Variants in DLGAP2 observed in about 807,000 individuals in gnomAD.
DLGAP2 encodes DLG associated protein 2.
A neutral mutation model predicts 100.3 loss-of-function variants in DLGAP2; 26 were observed. The ratio of observed to expected loss-of-function variants is 0.26; its 90% CI spans 0.19 to 0.36. The LOEUF (loss-of-function observed/expected upper bound fraction) is 0.36, where lower values mean the gene tolerates loss of function less well. Ranked by LOEUF, DLGAP2 falls within the 10% of genes least tolerant of loss-of-function variation. DLGAP2 has a pLI of 1.00. For synonymous variants in DLGAP2, 886 were observed against 630.1 expected, an observed-to-expected ratio of 1.41 and a Z score of -6.08; for missense variants, 1,858 against 1,453.2, an observed-to-expected ratio of 1.28 and a Z score of -4.53.
intron 3 of DLGAP2, among the ~76,000 whole-genome samples, chr8:1,471,606 T>G (rs1010875185): frequency 1.4e-5 from 2 of 143,456 alleles, no homozygotes; most frequent in Non-Finnish European, 3.0e-5. Context: ...TCTCACCTCC[T>G]GCCCACAGCC....
chr8:1,548,458 GAAAAAAAAAAA>G (rs773138776), intron 4 of DLGAP2, among the ~76,000 whole-genome samples, 157 bp from the exon 5 acceptor site: 2 of 41,584 alleles, frequency 4.8e-5, no homozygotes, highest in East Asian at 2.1e-3. Context: ...GACTGTCTCA[GAAAAAAAAAAA>G]AAAAAAAAAA....
intron 6 of DLGAP2, among the ~76,000 whole-genome samples, chr8:1,571,255 G>C (rs1390072610): frequency 1.4e-5 from 2 of 144,134 alleles, no homozygotes; most frequent in African/African-American, 5.3e-5. Context: ...AAGAGAGAGG[G>C]GTGAACTGGA....
intron 1 of DLGAP2, among the ~76,000 whole-genome samples, chr8:867,353 C>G (rs534363595): frequency 2.0e-5 from 3 of 152,278 alleles, no homozygotes; most frequent in Admixed American, 6.5e-5. Flanking sequence ...CAAAAATAAA[C>G]CCTTTAAGCT....
chr8:946,485 G>A (rs79631681), intron 2 of DLGAP2, among the ~76,000 whole-genome samples: 3,320 of 151,976 alleles, frequency 0.022, 40 homozygotes, highest in Middle Eastern at 0.044. Context: ...GGATGGTCTC[G>A]ATCTCCTGAC....
chr8:1,507,489 C>A (rs894829355), intron 4 of DLGAP2, among the ~76,000 whole-genome samples: 6 of 152,180 alleles, frequency 3.9e-5, no homozygotes, highest in Non-Finnish European at 7.4e-5. Context: ...CGCGCTGGCC[C>A]ATGAGCCCAC....
At chr8:1,571,706 G>A (rs1219654199) in intron 6 of DLGAP2, among the ~76,000 whole-genome samples, 2 of 131,260 alleles carry the variant, frequency 1.5e-5, no homozygotes, top group African/African-American at 2.9e-5. Flanking sequence ...GGAGAGGAGA[G>A]AGGGTGAACT....
chr8:1,685,173 G>GCACT (rs1799082430), intron 12 of DLGAP2, among the ~76,000 whole-genome samples: 1 of 151,236 alleles, frequency 6.6e-6, no homozygotes, highest in Non-Finnish European at 1.5e-5. Flanking sequence ...CCGGCAGTTG[G>GCACT]CACTCACACA....
intron 2 of DLGAP2, among the ~76,000 whole-genome samples, chr8:1,144,415 C>T (rs185402555): frequency 3.9e-5 from 6 of 152,334 alleles, no homozygotes; most frequent in Admixed American, 2.6e-4. Context: ...GCTGTGAAGA[C>T]GGTAAAGACA....
chr8:1,456,956 C>A (rs564877286), intron 3 of DLGAP2, among the ~76,000 whole-genome samples: 1 of 152,238 alleles, frequency 6.6e-6, no homozygotes, highest in Non-Finnish European at 1.5e-5. Context: ...CATCACAGCA[C>A]ACTAATGAGC....
At chr8:1,637,377 C>G (rs1336171922) in intron 8 of DLGAP2, among the ~76,000 whole-genome samples, 1 of 152,058 alleles carries the variant, frequency 6.6e-6, no homozygotes, top group African/African-American at 2.4e-5. Flanking sequence ...ATCTGTCACT[C>G]TGACACAAGG....
intron 2 of DLGAP2, among the ~76,000 whole-genome samples, chr8:1,003,773 G>A (rs1488394034): frequency 5.9e-5 from 9 of 152,200 alleles, no homozygotes. Flanking sequence ...GACCTGTCCA[G>A]CACCTTGGTC....
intron 3 of DLGAP2, among the ~76,000 whole-genome samples, chr8:1,304,827 T>C (rs1027815272): frequency 2.6e-5 from 4 of 152,220 alleles, no homozygotes; most frequent in African/African-American, 7.2e-5. Flanking sequence ...TAATAAATGC[T>C]AAACACCCTT....
chr8:1,491,687 T>G (rs1229328890), intron 3 of DLGAP2, among the ~76,000 whole-genome samples: 12 of 152,252 alleles, frequency 7.9e-5, no homozygotes. Context: ...TCACTTTTCA[T>G]GCGAACAATG....
chr8:953,481 C>T (rs1266140387), intron 2 of DLGAP2, among the ~76,000 whole-genome samples: 5 of 152,192 alleles, frequency 3.3e-5, no homozygotes, highest in African/African-American at 7.2e-5. Context: ...CGTGAGCCAC[C>T]GTGCCTGGCC....
intron 3 of DLGAP2, among the ~76,000 whole-genome samples, chr8:1,498,928 A>T (rs1431282379): frequency 6.6e-6 from 1 of 152,178 alleles, no homozygotes; most frequent in South Asian, 2.1e-4. Context: ...GCACTCGGAA[A>T]CCTTCCATGC....
intron 3 of DLGAP2, among the ~76,000 whole-genome samples, chr8:1,435,295 G>A (rs1205168174): frequency 5.3e-5 from 8 of 152,156 alleles, no homozygotes; most frequent in African/African-American, 1.4e-4. Context: ...GCCATCCATC[G>A]GAAGCAGGCA....
At chr8:1,275,546 A>G (rs1298607599) in intron 3 of DLGAP2, among the ~76,000 whole-genome samples, 2 of 151,232 alleles carry the variant, frequency 1.3e-5, no homozygotes, top group East Asian at 1.9e-4. Context: ...TTTTCATGCA[A>G]ACTGAATTTC....
chr8:1,174,653 C>G (rs776296416), intron 2 of DLGAP2, among the ~76,000 whole-genome samples: 3 of 151,016 alleles, frequency 2.0e-5, no homozygotes, highest in Non-Finnish European at 4.4e-5. Context: ...GTCGTCTTTA[C>G]CATCATTGTC....
intron 3 of DLGAP2, among the ~76,000 whole-genome samples, chr8:1,426,982 T>C (rs1246576413): frequency 6.6e-6 from 1 of 152,174 alleles, no homozygotes; most frequent in Non-Finnish European, 1.5e-5. Context: ...TTATTGACAA[T>C]TAAAAACTAT....
Sources: gnomAD v4.1 joint callset for allele counts (sites outside exome capture counted in the v4.1 genomes callset) on GRCh38, gnomAD v4.1.1 for gene constraint, MANE v1.5 for transcripts, NCBI Gene and HGNC (gene_info 2026-07-23, HGNC 2026-07-21) for gene names.